MTBP: variants seen among roughly 807,000 people sequenced by gnomAD.
MTBP encodes mdm2-binding protein.
Under a neutral mutation model 117.0 loss-of-function variants are expected in MTBP, and 101 were observed. The observed-to-expected ratio is 0.86, with a 90% CI of 0.73 to 1.02. The LOEUF (loss-of-function observed/expected upper bound fraction) is 1.02. Among genes scored for constraint, MTBP ranks in the 50% least tolerant of loss-of-function variants. MTBP has a pLI of 0.00. For synonymous variants in MTBP, 350 were observed against 351.5 expected (o/e 1.00, Z 0.05); for missense variants, 970 against 1,030.9 (o/e 0.94, Z 0.81).
chr8:120,463,417 TA>T (rs1239824217), intron 9 of MTBP, among the ~76,000 whole-genome samples: 1 of 152,152 alleles, frequency 6.6e-6, no homozygotes, highest in East Asian at 1.9e-4. Context: ...TTTGAATTTT[TA>T]TTTAGGAGCT....
intron 17 of MTBP, among the ~76,000 whole-genome samples, chr8:120,512,870 G>C (rs1189645431): frequency 6.6e-6 from 1 of 151,928 alleles, no homozygotes; most frequent in Non-Finnish European, 1.5e-5. Flanking sequence ...CATAGATTAT[G>C]GTGTAGAAAC....
chr8:120,457,646 C>T (rs1405298247), intron 7 of MTBP, among the ~76,000 whole-genome samples: 3 of 152,098 alleles, frequency 2.0e-5, no homozygotes, highest in Non-Finnish European at 2.9e-5. Context: ...ATAGGCTGGG[C>T]GCAGTGGGTG....
chr8:120,474,782 C>T (rs909937187), intron 11 of MTBP, among the ~76,000 whole-genome samples: 1 of 151,786 alleles, frequency 6.6e-6, no homozygotes, highest in Admixed American at 6.6e-5. Context: ...CTTGAGTCTT[C>T]CTCTAATGGA....
intron 5 of MTBP, 40 bp from the exon 6 acceptor site, chr8:120,455,395 A>G: frequency 1.1e-5 from 15 of 1,402,990 alleles, no homozygotes; most frequent in Non-Finnish European, 1.5e-5. Context: ...TTCAGATCTA[A>G]CTTTTTAAAA....
In MTBP at chr8:120,488,166, TG is replaced by T. The variant is rs1253895706; in HGVS notation, c.1174del (p.Val392LeufsTer3). 1.3e-6 allele frequency: 2 copies of T among 1,584,314 alleles called. No homozygotes were observed. Among genetic ancestry groups the T allele is most frequent in the South Asian group, 2.4e-5 (2 of 83,962 alleles). ...ATAATTGTTTTTGTTTAGTTCCAGA[TG>T]TTGAAGTGAAAGGAGAGTGTTCTAG... ...KKPKTISVPDVEVKGECSSYY... is the reference protein window; with the variant it reads ...KKPKTISVPDXEVKGECSSYY... On this transcript the variant is annotated frameshift_variant, in exon 12 of 22. Transcript: ENST00000305949. LOFTEE classifies it high-confidence loss of function.
intron 10 of MTBP, among the ~76,000 whole-genome samples, chr8:120,468,377 A>G (rs1813744716): frequency 6.6e-6 from 1 of 152,242 alleles, no homozygotes; most frequent in Non-Finnish European, 1.5e-5. Flanking sequence ...AGAAACCATT[A>G]CAATCAACAC....
chr8:120,472,490 T>C (rs758734268), intron 11 of MTBP: 2 of 152,162 alleles, frequency 1.3e-5, no homozygotes, highest in Non-Finnish European at 2.9e-5. Context: ...CTCAGCAGAG[T>C]AGTTCTACTG....
chr8:120,510,671 G>C (rs1312401657), intron 17 of MTBP, among the ~76,000 whole-genome samples: 2 of 152,166 alleles, frequency 1.3e-5, no homozygotes, highest in African/African-American at 4.8e-5. Flanking sequence ...AGAAGCTGAG[G>C]CAGGTGGATC....
intron 10 of MTBP, among the ~76,000 whole-genome samples, chr8:120,466,304 C>T (rs909042498): frequency 1.1e-4 from 17 of 149,958 alleles, no homozygotes; most frequent in African/African-American, 2.2e-4. Context: ...CTCCGTCTCC[C>T]GGGTTCAAGC....
At chr8:120,506,631 T>TG in intron 15 of MTBP, 75 bp from the exon 16 acceptor site, 1 of 917,062 alleles carries the variant, frequency 1.1e-6, no homozygotes, top group Non-Finnish European at 1.5e-6. Context: ...GACTGTGCTT[T>TG]TTTTTTTTTT....
intron 20 of MTBP, 70 bp downstream of exon 20, chr8:120,518,887 A>T: frequency 9.0e-7 from 1 of 1,110,106 alleles, no homozygotes; most frequent in Non-Finnish European, 1.3e-6. Flanking sequence ...CATAAAAAAA[A>T]GTTTGAGTAT....
chr8:120,471,106 CAT>C (rs1813807582), intron 11 of MTBP, 169 bp downstream of exon 11: 1 of 538,812 alleles, frequency 1.9e-6, no homozygotes, highest in African/African-American at 1.9e-5. Flanking sequence ...CCTACTGTAA[CAT>C]AAAGTATCTC....
chr8:120,473,493 T>C (rs970065454), intron 11 of MTBP: 18 of 152,194 alleles, frequency 1.2e-4, no homozygotes, highest in Non-Finnish European at 4.4e-5. Context: ...TCTTTTTCGC[T>C]GTGAAATTTA....
At chr8:120,518,497 A>G (rs970362582) in intron 19 of MTBP, among the ~76,000 whole-genome samples, 6 of 151,996 alleles carry the variant, frequency 3.9e-5, no homozygotes, top group Non-Finnish European at 8.8e-5. Flanking sequence ...CACTGTAGTC[A>G]TTTCCTGCTA....
At chr8:120,477,671 A>G (rs1813973697) in intron 11 of MTBP, among the ~76,000 whole-genome samples, 1 of 152,264 alleles carries the variant, frequency 6.6e-6, no homozygotes, top group Admixed American at 6.5e-5. Context: ...CTCACTGGTC[A>G]TTAGAGAAAT....
chr8:120,496,637 G>T (rs531463186), intron 13 of MTBP, among the ~76,000 whole-genome samples: 1 of 150,838 alleles, frequency 6.6e-6, no homozygotes, highest in African/African-American at 2.4e-5. Flanking sequence ...TCAATGAATA[G>T]ATTTTTCCTT....
rs772619828 is a variant in MTBP, at chr8:120,488,145, T to C, written c.1166-14T>C. 1.7e-5 allele frequency: 26 copies of C among 1,572,706 alleles called. No homozygotes were observed. In the East Asian group the frequency reaches 5.2e-4, roughly 31 times the overall value. On this transcript the variant is annotated splice_polypyrimidine_tract_variant and intron_variant, in intron 11 of 21. Transcript: ENST00000305949. ...AATTTTCACATACTTAACAAGATAA[T>C]TGTTTTTGTTTAGTTCCAGATGTTG...
chr8:120,471,602 C>G (rs1813818391), intron 11 of MTBP: 1 of 152,186 alleles, frequency 6.6e-6, no homozygotes. Context: ...CGCACTTGAC[C>G]TAAAGTTTTT....
chr8:120,459,408 A>T, intron 8 of MTBP, 59 bp downstream of exon 8: 2 of 1,509,506 alleles, frequency 1.3e-6, no homozygotes, highest in Non-Finnish European at 1.8e-6. Flanking sequence ...CCTATAAAAT[A>T]TGTTTGAATC....
Sources: allele counts gnomAD v4.1 joint callset (sites outside exome capture counted in the v4.1 genomes callset), GRCh38; gene constraint gnomAD v4.1.1; transcripts MANE v1.5; gene names NCBI Gene and HGNC (gene_info 2026-07-23, HGNC 2026-07-21).